Variants in TMPRSS7 observed in about 807,000 individuals in gnomAD.
The protein encoded by TMPRSS7 is transmembrane protease serine 7.
A neutral mutation model predicts 95.6 loss-of-function variants in TMPRSS7; 81 were observed. That is an observed-to-expected ratio of 0.85 (90% CI 0.71 to 1.02). The LOEUF is 1.02. Ranked by LOEUF, TMPRSS7 falls within the 50% of genes least tolerant of loss-of-function variation. TMPRSS7 has a pLI of 0.00. For synonymous variants in TMPRSS7, 364 were observed against 337.8 expected (o/e 1.08, Z -0.85); for missense variants, 945 against 955.2 (o/e 0.99, Z 0.14).
exon 2 of TMPRSS7, chr3:112,038,311 G>C (rs767612809): frequency 4.3e-6 from 3 of 701,920 alleles, no homozygotes. Context: ...CACTTCTGTG[G>C]CTGTATATCA....
intron 9 of TMPRSS7, among the ~76,000 whole-genome samples, chr3:112,053,078 C>T (rs1157175196): frequency 2.6e-5 from 4 of 151,922 alleles, no homozygotes; most frequent in Admixed American, 2.6e-4. Context: ...TTAAATAAAA[C>T]TGTTCCTTTT....
chr3:112,037,376 C>A (rs1306885168), intron 1 of TMPRSS7, among the ~76,000 whole-genome samples: 1 of 152,178 alleles, frequency 6.6e-6, no homozygotes, highest in Non-Finnish European at 1.5e-5. Context: ...TCCTGCAGCA[C>A]CCCCAGGCTT....
At chr3:112,080,556 C>T (rs2073766347) in intron 17 of TMPRSS7, among the ~76,000 whole-genome samples, 7 of 82,976 alleles carry the variant, frequency 8.4e-5, no homozygotes, top group East Asian at 5.2e-4. Flanking sequence ...ACCACCACTA[C>T]TACTACTACT....
rs759091821 is a variant in TMPRSS7, at chr3:112,050,658, G to T, written c.1091-13G>T. 20 of 1,503,944 alleles carry T rather than the reference G, an allele frequency of 1.3e-5. No homozygotes were observed. In the Admixed American group the frequency reaches 2.0e-4, roughly 15 times the overall value. The allele number at this position is 1,503,944 out of a possible 1,614,324, so 93.2% of individuals were successfully genotyped here. A position where few individuals can be genotyped will look rare whatever the true frequency, so the allele number is the denominator to read the frequency against. On this transcript the variant is annotated splice_polypyrimidine_tract_variant and intron_variant, in intron 8 of 17. Coordinates refer to ENST00000452346, the Ensembl canonical transcript of TMPRSS7. ...GCTGCAAATCATTGTGTGTCACTGG[G>T]TATCTTTTCCAGAGTGTGAAAACAC... is the stretch of plus-strand genomic sequence containing the variant.
At chr3:112,060,360 G>C (rs917440476) in intron 10 of TMPRSS7, among the ~76,000 whole-genome samples, 1 of 152,104 alleles carries the variant, frequency 6.6e-6, no homozygotes, top group African/African-American at 2.4e-5. Context: ...TTTATTAGGC[G>C]GGAATTTCCT....
At chr3:112,062,962 A>C (rs2073529092) in intron 11 of TMPRSS7, among the ~76,000 whole-genome samples, 1 of 152,170 alleles carries the variant, frequency 6.6e-6, no homozygotes, top group African/African-American at 2.4e-5. Context: ...GTGGACAGGG[A>C]GGTAAGGGGC....
chr3:112,075,629 G>C (rs563582475), intron 15 of TMPRSS7, 137 bp downstream of exon 15: 1 of 723,536 alleles, frequency 1.4e-6, no homozygotes, highest in Non-Finnish European at 2.0e-6. Context: ...TGGATCCCAC[G>C]TGTGTGACAA....
At chr3:112,049,408 C>G (rs929453060) in intron 7 of TMPRSS7, among the ~76,000 whole-genome samples, 1 of 152,216 alleles carries the variant, frequency 6.6e-6, no homozygotes, top group Non-Finnish European at 1.5e-5. Context: ...GGACAACACA[C>G]ATGGCCTTTT....
At chr3:112,062,972 C>T (rs961758672) in intron 11 of TMPRSS7, among the ~76,000 whole-genome samples, 2 of 152,176 alleles carry the variant, frequency 1.3e-5, no homozygotes, top group Non-Finnish European at 2.9e-5. Context: ...AGGTAAGGGG[C>T]AGGAGTCTGG....
chr3:112,061,353 A>T (rs919848354), intron 10 of TMPRSS7, among the ~76,000 whole-genome samples: 1 of 152,156 alleles, frequency 6.6e-6, no homozygotes, highest in African/African-American at 2.4e-5. Context: ...GACTGAAATA[A>T]TGTTGTCTTT....
At chr3:112,059,421 C>G (rs1016915812) in intron 10 of TMPRSS7, among the ~76,000 whole-genome samples, 5 of 152,200 alleles carry the variant, frequency 3.3e-5, no homozygotes, top group Non-Finnish European at 7.3e-5. Context: ...ATACTCTCCC[C>G]CTTTAAACTC....
intron 9 of TMPRSS7, among the ~76,000 whole-genome samples, chr3:112,052,078 G>A (rs1470451772): frequency 6.6e-6 from 1 of 151,850 alleles, no homozygotes; most frequent in Non-Finnish European, 1.5e-5. Context: ...AAACAAACAA[G>A]TTAAATACGC....
intron 3 of TMPRSS7, among the ~76,000 whole-genome samples, chr3:112,042,280 C>T (rs777959185): frequency 7.9e-5 from 12 of 152,138 alleles, no homozygotes; most frequent in Non-Finnish European, 1.6e-4. Context: ...GAATGGCTCT[C>T]TCAGCTTCAG....
chr3:112,049,187 A>C (rs1345216102), intron 7 of TMPRSS7, among the ~76,000 whole-genome samples: 1 of 152,146 alleles, frequency 6.6e-6, no homozygotes. Context: ...CAAACCCTTC[A>C]TCGAGATAAG....
intron 9 of TMPRSS7, among the ~76,000 whole-genome samples, chr3:112,051,899 G>A (rs1487000458): frequency 6.6e-6 from 1 of 152,036 alleles, no homozygotes; most frequent in Non-Finnish European, 1.5e-5. Flanking sequence ...AGATGTAAGT[G>A]GCAAGCAGTA....
chr3:112,038,015 C>A, intron 1 of TMPRSS7, 57 bp from the exon 2 acceptor site: 1 of 685,718 alleles, frequency 1.5e-6, no homozygotes, highest in Non-Finnish European at 2.6e-6. Flanking sequence ...TGGGTAGTTT[C>A]ATTTAAGATC....
At chr3:112,065,470 G>GT (rs1490986498) in intron 12 of TMPRSS7, among the ~76,000 whole-genome samples, 1 of 152,042 alleles carries the variant, frequency 6.6e-6, no homozygotes, top group Non-Finnish European at 1.5e-5. Flanking sequence ...TAATGACTGA[G>GT]TTTTTTTACA....
exon 2 of TMPRSS7, chr3:112,038,315 T>C: frequency 1.4e-6 from 1 of 701,638 alleles, no homozygotes. Context: ...TCTGTGGCTG[T>C]ATATCAGTAA....
At chr3:112,065,123 G>A (rs954395740) in intron 12 of TMPRSS7, among the ~76,000 whole-genome samples, 4 of 152,046 alleles carry the variant, frequency 2.6e-5, no homozygotes, top group Non-Finnish European at 5.9e-5. Context: ...TCACTGCAGC[G>A]TCGAACTCCT....
Sources: gnomAD v4.1 joint callset for allele counts (sites outside exome capture counted in the v4.1 genomes callset) on GRCh38, gnomAD v4.1.1 for gene constraint, MANE v1.5 for transcripts, NCBI Gene and HGNC (gene_info 2026-07-23, HGNC 2026-07-21) for gene names.